The following MON2 variants were observed in gnomAD, a reference collection of about 807,000 sequenced individuals.
MON2 encodes the protein protein MON2 homolog.
Under a neutral mutation model 208.6 loss-of-function variants are expected in MON2, and 84 were observed. That is an observed-to-expected ratio of 0.40 (90% CI 0.34 to 0.48). The LOEUF (loss-of-function observed/expected upper bound fraction) is 0.48. Among genes scored for constraint, MON2 ranks in the 20% least tolerant of loss-of-function variants. The probability of loss-of-function intolerance (pLI) is 0.59; values close to 1 mark genes in which losing one functional copy is unlikely to be tolerated. For missense variants in MON2, 1,611 were observed against 2,015.4 expected (o/e 0.80, Z 3.84); for synonymous variants, 660 against 694.0 (o/e 0.95, Z 0.77).
intron 1 of MON2, among the ~76,000 whole-genome samples, chr12:62,469,264 T>G (rs1219621875): frequency 2.0e-5 from 3 of 152,066 alleles, no homozygotes; most frequent in Non-Finnish European, 4.4e-5. Context: ...GAGGATCCCT[T>G]GAGCCCAGGC....
At chr12:62,482,545 A>G (rs956295950) in intron 1 of MON2, 12 of 152,232 alleles carry the variant, frequency 7.9e-5, no homozygotes, top group Admixed American at 7.9e-4. Flanking sequence ...ATAGCTTCTT[A>G]TGAGTACGTA....
chr12:62,551,447 A>T (rs904189656), intron 23 of MON2, among the ~76,000 whole-genome samples: 1 of 152,204 alleles, frequency 6.6e-6, no homozygotes, highest in African/African-American at 2.4e-5. Context: ...GGTGCGGCTC[A>T]TGCACCCCAA....
intron 1 of MON2, among the ~76,000 whole-genome samples, chr12:62,472,017 G>A (rs1191980314): frequency 6.6e-6 from 1 of 152,170 alleles, no homozygotes; most frequent in Non-Finnish European, 1.5e-5. Flanking sequence ...AAGAAGTAGG[G>A]GGTGGCAAGT....
At chr12:62,539,339 G>A (rs2073128788) in intron 19 of MON2, among the ~76,000 whole-genome samples, 1 of 151,558 alleles carries the variant, frequency 6.6e-6, no homozygotes, top group Non-Finnish European at 1.5e-5. Context: ...GCAATCTCGG[G>A]TCACTGCTCT....
At chr12:62,555,548 G>A (rs1387771813) in intron 24 of MON2, among the ~76,000 whole-genome samples, 1 of 152,060 alleles carries the variant, frequency 6.6e-6, no homozygotes, top group Non-Finnish European at 1.5e-5. Flanking sequence ...AGTGGCCCAC[G>A]CCTGTAATCC....
intron 7 of MON2, among the ~76,000 whole-genome samples, chr12:62,506,337 A>T (rs1424472015): frequency 6.6e-6 from 1 of 152,218 alleles, no homozygotes; most frequent in South Asian, 2.1e-4. Flanking sequence ...TGCAGAAGTA[A>T]CAATGACTAG....
chr12:62,498,327 C>T lies in MON2; in HGVS notation c.436-592C>T, dbSNP rs560223845. Among the ~76,000 whole-genome samples the T allele has an allele frequency of 1.0e-3, 156 of 152,068 alleles. 1 individual carries two copies. The highest frequency in any genetic ancestry group is 2.4e-3 in the Admixed American group (37 of 15,268). On this transcript the variant is annotated intron_variant, in intron 4 of 34. Coordinates refer to ENST00000393630, the MANE Select transcript of MON2 (RefSeq NM_015026.3). ...AAGCACATGGGTGTTTGCCTGGGGC[C>T]ACGGGTAGAGGAAGAGATGGGTGGC...
In MON2 at chr12:62,525,976, C is replaced by T. The variant is rs550771229; in HGVS notation, c.1274C>T (p.Ser425Leu). 4 of 1,613,804 alleles carry T rather than the reference C, an allele frequency of 2.5e-6. No individual in the cohort carries two copies. The African/African-American group carries it at 4.0e-5, about 16-fold the overall frequency. The stretch of plus-strand genomic sequence containing the variant: ...AACAATAATTTAGGTGGCTCAGTCT[C>T]AGCACCAGCTAACTCAGGAATGGTG... ...AGNNNLGGSV[S>L]APANSGMVGI... Residue 425 changes from serine (S) to leucine (L), a missense_variant, in exon 11 of 35, where the codon TCA becomes TTA. By Grantham distance (145) the Ser-to-Leu change is moderately radical. Transcript: ENST00000393630.
At chr12:62,557,958 A>ATG (rs2074050620) in intron 25 of MON2, among the ~76,000 whole-genome samples, 1 of 27,310 alleles carries the variant, frequency 3.7e-5, no homozygotes, top group African/African-American at 2.5e-4. Flanking sequence ...ATATATATAT[A>ATG]TATATTTTTT....
intron 2 of MON2, among the ~76,000 whole-genome samples, chr12:62,487,118 C>T (rs923140491): frequency 2.0e-4 from 31 of 151,942 alleles, no homozygotes; most frequent in Admixed American, 9.8e-4. Flanking sequence ...AATGCTATGC[C>T]AGGTAATGTC....
At chr12:62,524,993 C>A in intron 9 of MON2, 91 bp from the exon 10 acceptor site, 1 of 1,106,132 alleles carries the variant, frequency 9.0e-7, no homozygotes, top group Non-Finnish European at 1.3e-6. Flanking sequence ...AGTTTGGTAA[C>A]TCTTATAGTA....
At chr12:62,544,866 T>C (rs369483127) in intron 20 of MON2, 32 bp from the exon 21 acceptor site, 33 of 1,591,596 alleles carry the variant, frequency 2.1e-5, no homozygotes, top group Non-Finnish European at 2.8e-5. Flanking sequence ...AGCTTAAGTA[T>C]ACAAATTAAA....
chr12:62,569,668 T>C (rs1409475037), intron 29 of MON2, among the ~76,000 whole-genome samples: 1 of 152,192 alleles, frequency 6.6e-6, no homozygotes, highest in Non-Finnish European at 1.5e-5. Context: ...CTTGAACCAA[T>C]GATTATGGCC....
intron 32 of MON2, among the ~76,000 whole-genome samples, chr12:62,582,970 T>A (rs1246762918): frequency 2.6e-5 from 4 of 152,038 alleles, no homozygotes; most frequent in Admixed American, 6.5e-5. Context: ...ACTGAAAACA[T>A]AAAACCAGTT....
intron 19 of MON2, among the ~76,000 whole-genome samples, chr12:62,542,359 TC>T (rs991899267): frequency 3.1e-4 from 47 of 152,378 alleles, no homozygotes; most frequent in African/African-American, 1.1e-3. Flanking sequence ...GCTTTTTTAT[TC>T]AGTTGTCTTG....
At chr12:62,488,645 A>G (rs61921908) in intron 2 of MON2, among the ~76,000 whole-genome samples, 22,726 of 152,086 alleles carry the variant, frequency 0.15, 1,902 homozygotes, top group East Asian at 0.27. Flanking sequence ...AGCTATTTCT[A>G]AAATCCAGGC....
chr12:62,489,840 T>C (rs1164793074), intron 2 of MON2, among the ~76,000 whole-genome samples: 2 of 152,138 alleles, frequency 1.3e-5, no homozygotes, highest in African/African-American at 4.8e-5. Flanking sequence ...CTTTTAATGT[T>C]GTTAGGAATG....
In MON2 at chr12:62,546,961, G is replaced by A. The variant is rs772483932; in HGVS notation, c.2642G>A (p.Arg881Gln). Residue 881 changes from arginine to glutamine, a missense_variant, in exon 22 of 35, where the codon CGA (arginine) becomes CAA (glutamine). Coordinates refer to ENST00000393630, the MANE Select transcript of MON2 (RefSeq NM_015026.3). The part of the protein sequence containing the change: ...EMSNINHPDI[R>Q]LKQLECVLQI... The stretch of plus-strand genomic sequence containing the variant: ...TCCAATATTAATCATCCAGATATTC[G>A]ACTCAAGCAGTTAGAATGCGTGTTG... The A allele has an allele frequency of 4.3e-6, 7 of 1,613,138 alleles. No homozygotes were observed. The highest frequency in any genetic ancestry group is 5.1e-6 in the Non-Finnish European group (6 of 1,179,440).
intron 34 of MON2, among the ~76,000 whole-genome samples, chr12:62,591,656 C>G (rs1188650534): frequency 6.6e-6 from 1 of 152,172 alleles, no homozygotes; most frequent in East Asian, 1.9e-4. Context: ...AAACACATTT[C>G]TTTATTTTAC....
Sources: gnomAD v4.1 joint callset for allele counts (sites outside exome capture counted in the v4.1 genomes callset) on GRCh38, gnomAD v4.1.1 for gene constraint, MANE v1.5 for transcripts, NCBI Gene and HGNC (gene_info 2026-07-23, HGNC 2026-07-21) for gene names.